The following CTIF variants were observed in gnomAD, a reference collection of about 807,000 sequenced individuals.
CTIF encodes cap binding complex dependent translation initiation factor, also known as CBP80/20-dependent translation initiation factor.
Under a neutral mutation model 66.0 loss-of-function variants are expected in CTIF, and 21 were observed. The observed-to-expected ratio is 0.32, with a 90% CI of 0.23 to 0.46. CTIF has a LOEUF of 0.46. CTIF is among the 20% of genes least tolerant of loss of function. The pLI is 1.00. For synonymous variants in CTIF, 345 were observed against 326.4 expected (o/e 1.06, Z -0.62); for missense variants, 739 against 812.7 (o/e 0.91, Z 1.10).
chr18:48,580,443 T>C (rs1282006616), intron 1 of CTIF, among the ~76,000 whole-genome samples: 2 of 152,254 alleles, frequency 1.3e-5, no homozygotes, highest in East Asian at 3.9e-4. Flanking sequence ...GGGGAAACAT[T>C]CTAACTCTCG....
At chr18:48,827,443 G>A (rs1268987113) in intron 10 of CTIF, among the ~76,000 whole-genome samples, 3 of 152,174 alleles carry the variant, frequency 2.0e-5, no homozygotes, top group Non-Finnish European at 2.9e-5. Flanking sequence ...AGGAAGAGGC[G>A]AGGAGGCAGG....
intron 9 of CTIF, among the ~76,000 whole-genome samples, chr18:48,800,212 A>T (rs149897211): frequency 6.6e-6 from 1 of 152,326 alleles, no homozygotes; most frequent in African/African-American, 2.4e-5. Context: ...CATCCCCATC[A>T]TCAGAAATAT....
At chr18:48,835,351 G>A (rs57552718) in intron 10 of CTIF, among the ~76,000 whole-genome samples, 4,152 of 152,268 alleles carry the variant, frequency 0.027, 170 homozygotes, top group African/African-American at 0.092. Flanking sequence ...TGTGCTGATG[G>A]TCTTACAGAG....
At chr18:48,781,499 T>G (rs972457384) in intron 9 of CTIF, among the ~76,000 whole-genome samples, 57 of 152,022 alleles carry the variant, frequency 3.7e-4, no homozygotes, top group Admixed American at 3.7e-3. Context: ...AGAGGAGAGA[T>G]AACAGCCCGT....
chr18:48,626,378 T>C (rs2144511307), intron 2 of CTIF, among the ~76,000 whole-genome samples: 1 of 152,198 alleles, frequency 6.6e-6, no homozygotes, highest in East Asian at 1.9e-4. Flanking sequence ...AGATGAGTCT[T>C]GCACTATCGC....
intron 9 of CTIF, among the ~76,000 whole-genome samples, chr18:48,799,821 A>G (rs1056321045): frequency 9.2e-5 from 14 of 152,234 alleles, no homozygotes; most frequent in African/African-American, 3.4e-4. Context: ...CGCAGCAGGT[A>G]CATTGCCGAA....
intron 9 of CTIF, among the ~76,000 whole-genome samples, chr18:48,814,579 C>T (rs528263264): frequency 9.9e-5 from 15 of 152,200 alleles, no homozygotes; most frequent in South Asian, 2.1e-4. Context: ...CACTCTTGCT[C>T]AGATCACATA....
At chr18:48,555,576 C>A (rs2145573813) in intron 1 of CTIF, among the ~76,000 whole-genome samples, 1 of 152,354 alleles carries the variant, frequency 6.6e-6, no homozygotes, top group Non-Finnish European at 1.5e-5. Flanking sequence ...GCCACCCACT[C>A]ACCACTGGGA....
At chr18:48,826,017 G>T (rs1412874514) in intron 10 of CTIF, 5 of 152,230 alleles carry the variant, frequency 3.3e-5, no homozygotes, top group South Asian at 4.1e-4. Context: ...CATAGCCTTA[G>T]GAGCCAGAGA....
chr18:48,758,385 C>T lies in CTIF; in HGVS notation c.1051C>T (p.Arg351Trp), dbSNP rs182218142. The T allele has an allele frequency of 1.9e-4, 308 of 1,590,986 alleles. 3 individuals are homozygous for T. The South Asian group carries it at 2.7e-3, about 14-fold the overall frequency. The change falls in exon 8 of 12, where the codon CGG (arginine) becomes TGG (tryptophan). Residue 351 changes from arginine to tryptophan, a missense_variant. Around this residue, in one of 2 missense-constraint regions of CTIF, gnomAD observed 529 missense variants for 520.3 expected, o/e 1.02. Coordinates refer to ENST00000256413, the MANE Select transcript of CTIF (RefSeq NM_014772.3). ...TLLQSSKDRLRRRLKEKDEVA... is the reference protein window; with the variant it reads ...TLLQSSKDRLWRRLKEKDEVA... The stretch of plus-strand genomic sequence containing the variant: ...GCTCCAGTCTTCCAAAGACAGACTG[C>T]GGCGAAGGCTAAAGGAAAAGGTACC...
intron 10 of CTIF, among the ~76,000 whole-genome samples, chr18:48,843,839 A>G (rs1275138064): frequency 1.3e-5 from 2 of 151,900 alleles, no homozygotes; most frequent in African/African-American, 4.8e-5. Flanking sequence ...GTGGGCACTC[A>G]CTGGGGAGCA....
At chr18:48,713,446 C>T (rs2092249023) in intron 7 of CTIF, among the ~76,000 whole-genome samples, 1 of 152,116 alleles carries the variant, frequency 6.6e-6, no homozygotes, top group Non-Finnish European at 1.5e-5. Context: ...TGGCAGGCCT[C>T]CGGAAAGCAG....
chr18:48,562,726 C>T (rs1449278840), intron 1 of CTIF, among the ~76,000 whole-genome samples: 1 of 152,180 alleles, frequency 6.6e-6, no homozygotes, highest in Non-Finnish European at 1.5e-5. Flanking sequence ...GACAAATAGA[C>T]TCATTTTTAT....
chr18:48,645,298 A>G (rs2091008946), intron 3 of CTIF, among the ~76,000 whole-genome samples: 2 of 149,102 alleles, frequency 1.3e-5, no homozygotes, highest in Non-Finnish European at 3.0e-5. Flanking sequence ...AAAAAATCCC[A>G]ATAAAAAGCT....
intron 10 of CTIF, among the ~76,000 whole-genome samples, chr18:48,840,555 C>T (rs1026905223): frequency 5.9e-5 from 9 of 152,212 alleles, no homozygotes; most frequent in African/African-American, 1.9e-4. Flanking sequence ...CTCCGAGTCT[C>T]TTAGACTTGG....
intron 1 of CTIF, among the ~76,000 whole-genome samples, chr18:48,541,105 G>A (rs1173435647): frequency 1.3e-5 from 2 of 152,322 alleles, no homozygotes; most frequent in East Asian, 3.9e-4. Context: ...TTCTATGGGT[G>A]TGCGTGCCCG....
chr18:48,757,296 A>G (rs1908464612), intron 7 of CTIF, among the ~76,000 whole-genome samples: 1 of 152,102 alleles, frequency 6.6e-6, no homozygotes, highest in African/African-American at 2.4e-5. Context: ...TCAACATATG[A>G]AGTTTTGCGG....
At chr18:48,657,568 C>G (rs1201505798) in intron 3 of CTIF, among the ~76,000 whole-genome samples, 1 of 152,162 alleles carries the variant, frequency 6.6e-6, no homozygotes, top group Non-Finnish European at 1.5e-5. Context: ...CCGGGGAGCT[C>G]TGCAGTACAA....
intron 3 of CTIF, among the ~76,000 whole-genome samples, chr18:48,643,806 G>A (rs2090976957): frequency 6.6e-6 from 1 of 152,120 alleles, no homozygotes. Context: ...CCCATGCACT[G>A]GAGTTTAAGG....
Sources: gnomAD v4.1 joint callset for allele counts (sites outside exome capture counted in the v4.1 genomes callset) on GRCh38, gnomAD v4.1.1 for gene constraint, gnomAD v4.1.1 regional missense constraint, MANE v1.5 for transcripts, NCBI Gene and HGNC (gene_info 2026-07-23, HGNC 2026-07-21) for gene names.